Variants in ERI1 observed in about 807,000 individuals in gnomAD.
ERI1 encodes the protein 3'-5' exoribonuclease 1.
Under a neutral mutation model 39.7 loss-of-function variants are expected in ERI1, and 39 were observed. The observed-to-expected ratio is 0.98, with a 90% confidence interval of 0.76 to 1.28. The LOEUF (loss-of-function observed/expected upper bound fraction) is 1.28, where lower values mean the gene tolerates loss of function less well. ERI1 is among the 50% of genes most tolerant of loss of function. The pLI is 0.00. For missense variants in ERI1, 581 were observed against 416.9 expected (o/e 1.39, Z -3.43); for synonymous variants, 204 against 149.6 (o/e 1.36, Z -2.65).
intron 3 of ERI1, among the ~76,000 whole-genome samples, chr8:9,058,407 T>C (rs1417414964): frequency 1.3e-5 from 2 of 152,194 alleles, no homozygotes; most frequent in Admixed American, 6.5e-5. Context: ...GCCTAGCTCC[T>C]GGTATGAAGG....
downstream of ERI1, among the ~76,000 whole-genome samples, chr8:9,033,867 G>A (rs1363258802): frequency 6.9e-6 from 1 of 143,908 alleles, no homozygotes; most frequent in Non-Finnish European, 1.5e-5. Context: ...CTTCCTGTAT[G>A]GTTTAAACTA....
At chr8:9,035,201 TATCTAGCTAAG>T (rs1410762026), downstream of ERI1, among the ~76,000 whole-genome samples, 4 of 152,238 alleles carry the variant, frequency 2.6e-5, no homozygotes, top group East Asian at 1.9e-4. Flanking sequence ...CTAGCTAAGT[TATCTAGCTAAG>T]ATCTAGCTAA....
chr8:9,063,685 CT>C (rs1488417334), intron 3 of ERI1, among the ~76,000 whole-genome samples: 1 of 152,102 alleles, frequency 6.6e-6, no homozygotes, highest in East Asian at 1.9e-4. Flanking sequence ...AAAAGAATGC[CT>C]GGACATCGGG....
intron 3 of ERI1, among the ~76,000 whole-genome samples, chr8:9,038,602 C>CG (rs1563348863): frequency 6.6e-6 from 1 of 151,970 alleles, no homozygotes; most frequent in African/African-American, 2.4e-5. Context: ...ACAAAAAATT[C>CG]AAAACTTAGC....
chr8:9,020,562 GA>G, intron 6 of ERI1, 98 bp downstream of exon 6: 6 of 729,912 alleles, frequency 8.2e-6, no homozygotes, highest in South Asian at 6.4e-5. Context: ...GTTTTTCATG[GA>G]AAAAAGCCAT....
At chr8:9,067,793 C>T (rs1376526181) in intron 3 of ERI1, among the ~76,000 whole-genome samples, 1 of 152,104 alleles carries the variant, frequency 6.6e-6, no homozygotes, top group African/African-American at 2.4e-5. Flanking sequence ...CACAGCTAGT[C>T]TGAGCAGAAC....
rs750084368 is a variant in ERI1, at chr8:9,022,514, C to G, written c.807+2050C>G. 2.3e-4 allele frequency among the ~76,000 whole-genome samples: 35 copies of G among 152,168 alleles called. 1 individual carries two copies. The highest frequency in any genetic ancestry group is 4.6e-4 in the Non-Finnish European group (31 of 68,032). On this transcript the variant is annotated intron_variant, in intron 6 of 6. Transcript: ENST00000250263. ...TCTTGGGTTCAAGCAGTTCTCCTGT[C>G]TCAGCATCCCGAGTAGCTGGGACTA...
chr8:9,081,676 C>T (rs1326538029), intron 3 of ERI1, among the ~76,000 whole-genome samples: 1 of 136,042 alleles, frequency 7.4e-6, no homozygotes, highest in African/African-American at 3.1e-5. Flanking sequence ...TCCTCTTCTT[C>T]TTCTTTTGTT....
intron 3 of ERI1, among the ~76,000 whole-genome samples, chr8:9,092,154 G>A (rs1449130592): frequency 2.6e-5 from 4 of 152,094 alleles, no homozygotes; most frequent in East Asian, 1.9e-4. Context: ...AAAGGGTTTC[G>A]CCATGTTGCC....
In ERI1 at chr8:9,067,381, CATGTGT is replaced by C. The variant is rs758703499; in HGVS notation, n.299+46918_299+46923del. Among the ~76,000 whole-genome samples, 103 of 69,086 alleles carry C rather than the reference CATGTGT, an allele frequency of 1.5e-3. No individual in the cohort carries two copies. The East Asian group carries it at 0.019, about 13-fold the overall frequency. 45.3% of individuals were successfully genotyped at this position (69,086 alleles called of 152,430 possible). On this transcript the variant is annotated intron_variant and non_coding_transcript_variant, in intron 3 of 3. Coordinates refer to the ERI1 transcript ENST00000518663. ...TGGGATTTCATTTTTAACCTGTGTGCATGTGTGTGTGTGTGTGTGTGTGTGTGTGTG... is the reference window on the plus strand; with the variant it reads ...TGGGATTTCATTTTTAACCTGTGTGCGTGTGTGTGTGTGTGTGTGTGTGTG...
In ERI1 at chr8:9,055,783, T is replaced by C. The variant is rs1798487926; in HGVS notation, n.299+35319T>C. Among the ~76,000 whole-genome samples the C allele has an allele frequency of 1.3e-5, 2 of 152,136 alleles. 1 individual carries two copies. Among genetic ancestry groups the C allele is most frequent in the Admixed American group, 1.3e-4 (2 of 15,272 alleles). Reference sequence around the variant, plus strand: ...CTTGAATTGGCCTCAAGTGATCCTCTCCCTTCTCAGCTTCCCAAAACCCTG... The same window carrying C: ...CTTGAATTGGCCTCAAGTGATCCTCCCCCTTCTCAGCTTCCCAAAACCCTG... On this transcript the variant is annotated intron_variant and non_coding_transcript_variant, in intron 3 of 3. Transcript: ENST00000518663.
chr8:9,058,125 G>T (rs1476950504), intron 3 of ERI1, among the ~76,000 whole-genome samples: 2 of 152,194 alleles, frequency 1.3e-5, no homozygotes, highest in Admixed American at 6.5e-5. Context: ...GACTGCAGGG[G>T]GTCAAAGGCA....
chr8:9,031,612 A>G lies in ERI1; in HGVS notation c.*1578A>G, dbSNP rs1163936006. 2 of 152,190 alleles carry G rather than the reference A, an allele frequency of 1.3e-5. No homozygotes were observed. The highest frequency in any genetic ancestry group is 2.4e-5 in the African/African-American group (1 of 41,442). 9.4% of individuals were successfully genotyped at this position (152,190 alleles called of 1,614,324 possible). A position where few individuals can be genotyped will look rare whatever the true frequency, so the allele number is the denominator to read the frequency against. Reference sequence around the variant, plus strand: ...GCTGAAACTGCAATTGGAAAATCTGATGATGACGAGGAAATATTACGTTTC... The same window carrying G: ...GCTGAAACTGCAATTGGAAAATCTGGTGATGACGAGGAAATATTACGTTTC... On this transcript the variant is annotated 3_prime_UTR_variant, in exon 7 of 7. Transcript: ENST00000250263.
chr8:9,083,572 G>C (rs1391571938), intron 3 of ERI1, among the ~76,000 whole-genome samples: 1 of 151,502 alleles, frequency 6.6e-6, no homozygotes, highest in Non-Finnish European at 1.5e-5. Flanking sequence ...ACTGCCTCAT[G>C]ATGCTCACTT....
At chr8:9,033,491 C>T (rs1797728822), downstream of ERI1, 1 of 152,198 alleles carries the variant, frequency 6.6e-6, no homozygotes, top group Non-Finnish European at 1.5e-5. Flanking sequence ...ACCCTTACCT[C>T]CCTTATGTAA....
At chr8:9,017,568 G>A (rs1817441058) in intron 4 of ERI1, among the ~76,000 whole-genome samples, 1 of 152,114 alleles carries the variant, frequency 6.6e-6, no homozygotes, top group South Asian at 2.1e-4. Flanking sequence ...CTATGAAAAG[G>A]GCTTCCATAT....
intron 3 of ERI1, among the ~76,000 whole-genome samples, chr8:9,012,712 AT>A (rs1816795437): frequency 6.6e-6 from 1 of 152,152 alleles, no homozygotes; most frequent in South Asian, 2.1e-4. Flanking sequence ...GGACATTATG[AT>A]TTATTGCTTT....
chr8:9,018,973 A>T (rs560211470), intron 5 of ERI1, among the ~76,000 whole-genome samples: 1 of 152,220 alleles, frequency 6.6e-6, no homozygotes, highest in Admixed American at 6.5e-5. Context: ...ATTCATGTTG[A>T]CATCTGACCA....
At position 9,095,537 on chromosome 8, in the gene ERI1, A is replaced by G. The variant is rs56179910; in HGVS notation, n.300-20811A>G. On this transcript the variant is annotated intron_variant and non_coding_transcript_variant, in intron 3 of 3. Transcript: ENST00000518663. ...TTGTTTGTTTTTGAGATGGGGTCTC[A>G]CTCTGAAACCCAGGCTGGAGTGCAG... Among the ~76,000 whole-genome samples the G allele has an allele frequency of 2.0e-5, 3 of 151,764 alleles. No individual in the cohort carries two copies. In the East Asian group the frequency reaches 5.8e-4, roughly 29 times the overall value.
Sources: allele counts gnomAD v4.1 joint callset (sites outside exome capture counted in the v4.1 genomes callset), GRCh38; gene constraint gnomAD v4.1.1; transcripts MANE v1.5; gene names NCBI Gene and HGNC (gene_info 2026-07-23, HGNC 2026-07-21).